The following ANO6 variants were observed in gnomAD, a reference collection of about 807,000 sequenced individuals.
ANO6 encodes the protein anoctamin-6.
Under a neutral mutation model 117.5 loss-of-function variants are expected in ANO6, and 106 were observed. The ratio of observed to expected loss-of-function variants is 0.90; its 90% CI spans 0.77 to 1.06. The LOEUF is 1.06. Ranked by LOEUF, ANO6 falls within the 50% of genes least tolerant of loss-of-function variation. The pLI, the probability that ANO6 is intolerant of heterozygous loss-of-function variation, is 0.00. For missense variants in ANO6, 955 were observed against 1,121.1 expected (o/e 0.85, Z 2.12); for synonymous variants, 367 against 385.1 (o/e 0.95, Z 0.55).
chr12:45,416,644 T>C (rs1943220268), intron 16 of ANO6, 55 bp from the exon 17 acceptor site: 3 of 1,556,408 alleles, frequency 1.9e-6, no homozygotes, highest in East Asian at 4.5e-5. Context: ...TAAAGGAAAA[T>C]ATGTTGTCCT....
rs1593043554 is a variant in ANO6, at chr12:45,382,364, A to G, written c.1165+4251A>G. 2.6e-5 allele frequency among the ~76,000 whole-genome samples: 4 copies of G among 152,318 alleles called. No individual in the cohort carries two copies. The East Asian group carries it at 7.7e-4, about 29-fold the overall frequency. On this transcript the variant is annotated intron_variant, in intron 10 of 19. Transcript: ENST00000320560. ...GTACCAGTTTTTCATTTATGCCTGT[A>G]GGTGTCAAAGTGCAACAAGATTTTA... is the stretch of plus-strand genomic sequence containing the variant.
intron 10 of ANO6, among the ~76,000 whole-genome samples, chr12:45,386,789 C>T (rs374732597): frequency 8.9e-4 from 136 of 152,348 alleles, no homozygotes; most frequent in Admixed American, 3.0e-3. Flanking sequence ...CTCTGGCCTC[C>T]GTGCCTTTGC....
chr12:45,348,125 C>T lies in ANO6; in HGVS notation c.443C>T (p.Pro148Leu), dbSNP rs938365520. Residue 148 changes from proline (P) to leucine (L), a missense_variant, in exon 5 of 20, where the codon CCC becomes CTC. Pro to Leu is a moderately conservative substitution (Grantham distance 98). Coordinates refer to ENST00000320560, the MANE Select transcript of ANO6 (RefSeq NM_001025356.3). Reference sequence around the variant, plus strand: ...ATGCACATCAAATTGCCTCTGAAACCCAATGATCTGAAAAACCGGTCCTCA... The same window carrying T: ...ATGCACATCAAATTGCCTCTGAAACTCAATGATCTGAAAAACCGGTCCTCA... ...EIMHIKLPLK[P>L]NDLKNRSSAF... is the part of the protein sequence containing the mutation. 4 of 1,613,896 alleles carry T rather than the reference C, an allele frequency of 2.5e-6. No homozygotes were observed. The African/African-American group carries it at 5.3e-5, about 22-fold the overall frequency.
intron 2 of ANO6, among the ~76,000 whole-genome samples, chr12:45,309,242 C>G (rs1939773199): frequency 6.6e-6 from 1 of 152,112 alleles, no homozygotes; most frequent in South Asian, 2.1e-4. Context: ...AGGTCCTGGT[C>G]TGATGAAGGA....
intron 1 of ANO6, among the ~76,000 whole-genome samples, chr12:45,232,889 A>T (rs547268782): frequency 1.3e-5 from 2 of 152,192 alleles, no homozygotes; most frequent in Non-Finnish European, 2.9e-5. Flanking sequence ...AGGAGAGGCC[A>T]TGGAGAGCTT....
intron 1 of ANO6, among the ~76,000 whole-genome samples, chr12:45,228,582 A>G (rs1025446505): frequency 3.3e-5 from 5 of 152,162 alleles, no homozygotes; most frequent in Non-Finnish European, 7.4e-5. Context: ...AGAGGAGGGA[A>G]GATTAATAGT....
chr12:45,394,683 A>G (rs554357921), intron 12 of ANO6, among the ~76,000 whole-genome samples: 1 of 152,380 alleles, frequency 6.6e-6, no homozygotes, highest in Non-Finnish European at 1.5e-5. Flanking sequence ...ACTCAGGATT[A>G]AGAAACTCAT....
chr12:45,295,455 G>A (rs1269972218), intron 1 of ANO6, among the ~76,000 whole-genome samples: 1 of 152,220 alleles, frequency 6.6e-6, no homozygotes, highest in Non-Finnish European at 1.5e-5. Context: ...GAAGTGATGT[G>A]GGGAGTGAGA....
chr12:45,404,081 A>C (rs1432136167), intron 15 of ANO6, among the ~76,000 whole-genome samples: 2 of 152,206 alleles, frequency 1.3e-5, no homozygotes, highest in African/African-American at 4.8e-5. Flanking sequence ...CATTAGCATT[A>C]AGAGACTACT....
rs533697483 is a variant in ANO6, at chr12:45,243,636, G to GCCTCCTGGGTTCAAGTGA, written c.70+27246_70+27263dup. Among the ~76,000 whole-genome samples, 508 of 151,884 alleles carry GCCTCCTGGGTTCAAGTGA rather than the reference G, an allele frequency of 3.3e-3. 3 individuals carry two copies. The highest frequency in any genetic ancestry group is 0.011 in the African/African-American group (459 of 41,396). Reference sequence around the variant, plus strand: ...ACAATCTCGGCTCACTGCAACCTCCGCCTCCTGGGTTCAAGTGATTCTCCT... The same window carrying GCCTCCTGGGTTCAAGTGA: ...ACAATCTCGGCTCACTGCAACCTCCGCCTCCTGGGTTCAAGTGACCTCCTGGGTTCAAGTGATTCTCCT... On this transcript the variant is annotated intron_variant, in intron 1 of 19. Coordinates refer to ENST00000320560, the MANE Select transcript of ANO6 (RefSeq NM_001025356.3).
intron 1 of ANO6, among the ~76,000 whole-genome samples, chr12:45,251,116 A>T (rs1947895754): frequency 6.6e-6 from 1 of 152,086 alleles, no homozygotes; most frequent in Non-Finnish European, 1.5e-5. Flanking sequence ...GTGAAAGTGG[A>T]GGTGAGATAT....
In ANO6 at chr12:45,272,201, C is replaced by CT. The variant is rs948671091; in HGVS notation, c.71-29803dup. ...ACCTTTTTGGGTTTTTTTTTCTTTTCTTTTTTTTTTGCTGCTATGTAGGTG... is the reference window on the plus strand; with the variant it reads ...ACCTTTTTGGGTTTTTTTTTCTTTTCTTTTTTTTTTTGCTGCTATGTAGGTG... On this transcript the variant is annotated intron_variant, in intron 1 of 19. Coordinates refer to ENST00000320560, the MANE Select transcript of ANO6 (RefSeq NM_001025356.3). Among the ~76,000 whole-genome samples, 159 of 139,932 alleles carry CT rather than the reference C, an allele frequency of 1.1e-3. 2 individuals are homozygous for CT. In the South Asian group the frequency reaches 0.019, roughly 17 times the overall value. 91.8% of individuals were successfully genotyped at this position (139,932 alleles called of 152,430 possible).
At chr12:45,427,485 C>T (rs183524264) in intron 19 of ANO6, among the ~76,000 whole-genome samples, 1 of 151,158 alleles carries the variant, frequency 6.6e-6, no homozygotes, top group East Asian at 1.9e-4. Context: ...GTTCCCTCAC[C>T]TCCTTAAAGT....
At chr12:45,228,257 C>T (rs369901941) in intron 1 of ANO6, 5 of 405,168 alleles carry the variant, frequency 1.2e-5, no homozygotes, top group South Asian at 5.3e-5. Flanking sequence ...CAACCTCCTG[C>T]GTATCTGGGA....
At chr12:45,386,675 C>T (rs560997997) in intron 10 of ANO6, among the ~76,000 whole-genome samples, 1 of 152,352 alleles carries the variant, frequency 6.6e-6, no homozygotes, top group African/African-American at 2.4e-5. Context: ...GCACAGAAAA[C>T]CCTTTGTGAT....
chr12:45,424,327 G>GTTTTTTTTTTTTTTTTTTTTTTTTTTT (rs66945216), intron 19 of ANO6, among the ~76,000 whole-genome samples: 1 of 81,238 alleles, frequency 1.2e-5, no homozygotes, highest in Non-Finnish European at 2.3e-5. Context: ...TAGGTGATGG[G>GTTTTTTTTTTTTTTTTTTTTTTTTTTT]TTTTTTTTTT....
At chr12:45,266,245 T>C (rs1938210453) in intron 1 of ANO6, among the ~76,000 whole-genome samples, 1 of 152,236 alleles carries the variant, frequency 6.6e-6, no homozygotes, top group East Asian at 1.9e-4. Context: ...TTAAAGATTC[T>C]ATAGGCAAAG....
At chr12:45,357,990 C>G (rs1323329354) in intron 8 of ANO6, among the ~76,000 whole-genome samples, 1 of 152,112 alleles carries the variant, frequency 6.6e-6, no homozygotes, top group East Asian at 1.9e-4. Flanking sequence ...ATTCAAACAC[C>G]AGCTGCACTC....
intron 1 of ANO6, among the ~76,000 whole-genome samples, chr12:45,269,443 A>G (rs1938323421): frequency 6.6e-6 from 1 of 152,144 alleles, no homozygotes; most frequent in Non-Finnish European, 1.5e-5. Flanking sequence ...AATATTTCTG[A>G]GGCTTTGGTT....
Sources: allele counts gnomAD v4.1 joint callset (sites outside exome capture counted in the v4.1 genomes callset), GRCh38; gene constraint gnomAD v4.1.1; transcripts MANE v1.5; gene names NCBI Gene and HGNC (gene_info 2026-07-23, HGNC 2026-07-21).